PGCKA1: variants seen among roughly 807,000 people sequenced by gnomAD.
PGCKA1 encodes PDCD10 and GCKIII kinases associated 1.
the PGCKA1 span, among the ~76,000 whole-genome samples, chr4:37,572,318 G>C: frequency 6.6e-6 from 1 of 151,742 alleles, no homozygotes; most frequent in African/African-American, 2.4e-5. Context: ...CGCCCGCCTC[G>C]GCCTCCCAAA....
chr4:37,519,773 G>T, the PGCKA1 span, among the ~76,000 whole-genome samples: 1 of 151,964 alleles, frequency 6.6e-6, no homozygotes, highest in Non-Finnish European at 1.5e-5. Flanking sequence ...TTATTTAATG[G>T]CTCTAGCTAG....
the PGCKA1 span, among the ~76,000 whole-genome samples, chr4:37,499,615 G>T: frequency 6.6e-6 from 1 of 151,810 alleles, no homozygotes; most frequent in Admixed American, 6.6e-5. Flanking sequence ...TTCTCTGATG[G>T]TTATTTTATT....
chr4:37,516,994 C>T, the PGCKA1 span, among the ~76,000 whole-genome samples: 2 of 152,052 alleles, frequency 1.3e-5, no homozygotes, highest in South Asian at 4.1e-4. Flanking sequence ...CTGTGGCTCA[C>T]GCCTGTAATC....
At chr4:37,518,907 T>C in the PGCKA1 span, among the ~76,000 whole-genome samples, 1 of 152,238 alleles carries the variant, frequency 6.6e-6, no homozygotes, top group African/African-American at 2.4e-5. Flanking sequence ...TTTGAGGTCT[T>C]AGATTTAAGT....
At chr4:37,478,423 A>G in the PGCKA1 span, among the ~76,000 whole-genome samples, 2 of 152,092 alleles carry the variant, frequency 1.3e-5, no homozygotes, top group South Asian at 2.1e-4. Flanking sequence ...ACAAGTGAAT[A>G]TAGTAGCCTA....
chr4:37,578,206 T>C, the PGCKA1 span, among the ~76,000 whole-genome samples: 1,000 of 152,326 alleles, frequency 6.6e-3, 7 homozygotes, highest in African/African-American at 0.023. Context: ...CAGTAATATT[T>C]GCTTTATATA....
At chr4:37,579,558 TC>T in the PGCKA1 span, among the ~76,000 whole-genome samples, 4 of 152,266 alleles carry the variant, frequency 2.6e-5, no homozygotes, top group South Asian at 2.1e-4. Context: ...AAAGTTATTT[TC>T]CTTCAGCACT....
the PGCKA1 span, among the ~76,000 whole-genome samples, chr4:37,526,263 G>C: frequency 6.6e-6 from 1 of 152,186 alleles, no homozygotes; most frequent in African/African-American, 2.4e-5. Context: ...GTTATATACT[G>C]TTTATTCTTC....
chr4:37,512,861 GGC>G, the PGCKA1 span, among the ~76,000 whole-genome samples: 19 of 152,204 alleles, frequency 1.2e-4, no homozygotes, highest in Middle Eastern at 3.4e-3. Context: ...GGCCGAAGGG[GGC>G]AGATCACCTG....
At chr4:37,533,807 A>G in the PGCKA1 span, among the ~76,000 whole-genome samples, 2 of 152,354 alleles carry the variant, frequency 1.3e-5, no homozygotes, top group Non-Finnish European at 2.9e-5. Context: ...CTATGTTCGC[A>G]AAGTCTTTGT....
the PGCKA1 span, among the ~76,000 whole-genome samples, chr4:37,543,706 C>T: frequency 6.6e-6 from 1 of 150,816 alleles, no homozygotes; most frequent in African/African-American, 2.4e-5. Context: ...TGGTGGCGGG[C>T]GCCTGTAGTC....
chr4:37,456,694 T>C, the PGCKA1 span, among the ~76,000 whole-genome samples: 2 of 152,206 alleles, frequency 1.3e-5, no homozygotes, highest in Admixed American at 6.5e-5. Flanking sequence ...GATGAGTTTC[T>C]GGGGACACAG....
chr4:37,477,711 TC>T, the PGCKA1 span, among the ~76,000 whole-genome samples: 4 of 152,186 alleles, frequency 2.6e-5, no homozygotes, highest in South Asian at 4.1e-4. Context: ...GGCTTTGACT[TC>T]CCAGTAGCTT....
chr4:37,536,325 C>T, the PGCKA1 span, among the ~76,000 whole-genome samples: 1 of 152,168 alleles, frequency 6.6e-6, no homozygotes, highest in East Asian at 1.9e-4. Flanking sequence ...TATTAGTTAC[C>T]TATTACTGTA....
At chr4:37,493,513 C>T in the PGCKA1 span, among the ~76,000 whole-genome samples, 1 of 152,104 alleles carries the variant, frequency 6.6e-6, no homozygotes, top group African/African-American at 2.4e-5. Context: ...CTTTCCCTGC[C>T]ACTCCACTGA....
the PGCKA1 span, among the ~76,000 whole-genome samples, chr4:37,524,063 AG>A: frequency 6.6e-6 from 1 of 152,232 alleles, no homozygotes; most frequent in Non-Finnish European, 1.5e-5. Flanking sequence ...TTACATTTCA[AG>A]AAGAGAAAGT....
At chr4:37,533,567 T>G in the PGCKA1 span, among the ~76,000 whole-genome samples, 1 of 152,362 alleles carries the variant, frequency 6.6e-6, no homozygotes, top group East Asian at 1.9e-4. Context: ...TTCTTTGACC[T>G]GCAAAATTCC....
chr4:37,454,318 TTG>T, the PGCKA1 span, among the ~76,000 whole-genome samples: 1 of 152,182 alleles, frequency 6.6e-6, no homozygotes, highest in Non-Finnish European at 1.5e-5. Flanking sequence ...ACCAAGGCGT[TTG>T]TAAAGCTTGG....
chr4:37,495,524 G>T, the PGCKA1 span, among the ~76,000 whole-genome samples: 1 of 152,030 alleles, frequency 6.6e-6, no homozygotes, highest in Non-Finnish European at 1.5e-5. Flanking sequence ...GGAATACTAC[G>T]CAGCCCTAAA....
Sources: gnomAD v4.1 joint callset for allele counts (sites outside exome capture counted in the v4.1 genomes callset) on GRCh38, gnomAD v4.1.1 for gene constraint, MANE v1.5 for transcripts, NCBI Gene and HGNC (gene_info 2026-07-23, HGNC 2026-07-21) for gene names.